The following MSH3 variants were observed in gnomAD, a reference collection of about 807,000 sequenced individuals.
MSH3 encodes the protein mutS homolog 3.
Under a neutral mutation model 123.3 loss-of-function variants are expected in MSH3, and 106 were observed. That is an observed-to-expected ratio of 0.86 (90% CI 0.73 to 1.01). MSH3 has a LOEUF of 1.01. Ranked by LOEUF, MSH3 falls within the 50% of genes least tolerant of loss-of-function variation. MSH3 has a pLI of 0.00. For missense variants in MSH3, 1,459 were observed against 1,347.6 expected, an observed-to-expected ratio of 1.08 and a Z score of -1.29; for synonymous variants, 515 against 481.4, an observed-to-expected ratio of 1.07 and a Z score of -0.91.
intron 8 of MSH3, among the ~76,000 whole-genome samples, chr5:80,709,128 G>C (rs568064227): frequency 6.6e-6 from 1 of 151,910 alleles, no homozygotes; most frequent in African/African-American, 2.4e-5. Flanking sequence ...TAGAAATAAA[G>C]GGTGGGATGG....
chr5:80,668,121 C>A (rs1677643), intron 3 of MSH3, among the ~76,000 whole-genome samples: 42,157 of 151,932 alleles, frequency 0.28, 6,086 homozygotes, highest in Middle Eastern at 0.35. Context: ...AGCCTTCAGC[C>A]GAGAGGGGAC....
intron 9 of MSH3, among the ~76,000 whole-genome samples, chr5:80,727,864 C>T (rs543846761): frequency 6.6e-6 from 1 of 151,952 alleles, no homozygotes; most frequent in East Asian, 1.9e-4. Context: ...AGGAAGGCCT[C>T]ACTGAGAAAC....
chr5:80,832,445 C>T (rs965011781), intron 20 of MSH3, among the ~76,000 whole-genome samples: 1 of 152,102 alleles, frequency 6.6e-6, no homozygotes, highest in African/African-American at 2.4e-5. Flanking sequence ...CATGGTGAAA[C>T]TCTGTCTCTA....
intron 7 of MSH3, among the ~76,000 whole-genome samples, chr5:80,676,044 C>A (rs925886271): frequency 2.6e-5 from 4 of 152,038 alleles, no homozygotes; most frequent in African/African-American, 9.7e-5. Context: ...TTATTTATTT[C>A]TTTGAGACGG....
At chr5:80,728,383 A>G (rs1273877257) in intron 9 of MSH3, among the ~76,000 whole-genome samples, 1 of 152,226 alleles carries the variant, frequency 6.6e-6, no homozygotes, top group Non-Finnish European at 1.5e-5. Context: ...GATAATTGGA[A>G]GTCATTCCAT....
At chr5:80,690,625 C>T (rs576769658) in intron 8 of MSH3, among the ~76,000 whole-genome samples, 2 of 152,126 alleles carry the variant, frequency 1.3e-5, no homozygotes, top group Admixed American at 6.6e-5. Flanking sequence ...CCATCCAGTT[C>T]AATTTTAAAA....
chr5:80,774,988 C>T (rs1284523404), intron 15 of MSH3, among the ~76,000 whole-genome samples: 1 of 152,036 alleles, frequency 6.6e-6, no homozygotes, highest in Non-Finnish European at 1.5e-5. Flanking sequence ...AAGATAAATG[C>T]TTGAGGAGAT....
chr5:80,791,484 A>C (rs1211385870), intron 18 of MSH3, among the ~76,000 whole-genome samples: 1 of 152,212 alleles, frequency 6.6e-6, no homozygotes, highest in African/African-American at 2.4e-5. Flanking sequence ...GCTGATGAGC[A>C]ATGACATTCA....
At chr5:80,655,070 G>A (rs1326744029) in intron 1 of MSH3, 106 bp downstream of exon 1, 6 of 648,112 alleles carry the variant, frequency 9.3e-6, no homozygotes, top group African/African-American at 3.9e-5. Context: ...AGGGCTGGAG[G>A]AGGAAGGGGC....
intron 19 of MSH3, among the ~76,000 whole-genome samples, chr5:80,806,742 G>A (rs894607250): frequency 6.6e-6 from 1 of 152,082 alleles, no homozygotes; most frequent in African/African-American, 2.4e-5. Flanking sequence ...AACTTACTCA[G>A]TTAATTGGGG....
chr5:80,859,712 C>CTTTTTTTTT (rs373044585), intron 21 of MSH3, among the ~76,000 whole-genome samples: 29 of 130,130 alleles, frequency 2.2e-4, no homozygotes, highest in African/African-American at 4.1e-4. Flanking sequence ...CATTTTCTCT[C>CTTTTTTTTT]TTTTTTTTTT....
chr5:80,864,485 A>G (rs1362331935), intron 21 of MSH3, among the ~76,000 whole-genome samples: 1 of 152,170 alleles, frequency 6.6e-6, no homozygotes, highest in African/African-American at 2.4e-5. Flanking sequence ...ATTGAGTGTA[A>G]TAATTGTATT....
intron 2 of MSH3, among the ~76,000 whole-genome samples, chr5:80,663,840 G>T (rs757886581): frequency 1.3e-5 from 2 of 152,130 alleles, no homozygotes; most frequent in Non-Finnish European, 2.9e-5. Context: ...ACTCCACAGG[G>T]TGGGAGTGGG....
chr5:80,736,755 C>T (rs987873880), intron 10 of MSH3, among the ~76,000 whole-genome samples: 1 of 152,136 alleles, frequency 6.6e-6, no homozygotes, highest in Non-Finnish European at 1.5e-5. Flanking sequence ...TAATGAGTTC[C>T]CTGGTGGACA....
chr5:80,735,478 G>C (rs1327359203), intron 10 of MSH3, among the ~76,000 whole-genome samples: 1 of 151,598 alleles, frequency 6.6e-6, no homozygotes, highest in African/African-American at 2.4e-5. Flanking sequence ...CCTGAGATCA[G>C]GAGTCCGAGA....
chr5:80,818,617 T>C (rs2448492), intron 20 of MSH3, among the ~76,000 whole-genome samples: 30,679 of 152,076 alleles, frequency 0.2, 3,447 homozygotes, highest in South Asian at 0.36. Context: ...CTTAAAAAAA[T>C]GTTTAAGTGA....
chr5:80,661,009 T>G (rs1677683), intron 2 of MSH3, among the ~76,000 whole-genome samples: 41,118 of 151,996 alleles, frequency 0.27, 5,761 homozygotes, highest in Middle Eastern at 0.35. Flanking sequence ...ATGTTGGCCA[T>G]GTTGGTCTTG....
intron 22 of MSH3, among the ~76,000 whole-genome samples, chr5:80,869,250 C>T (rs533121906): frequency 7.9e-4 from 121 of 152,312 alleles, no homozygotes; most frequent in African/African-American, 2.8e-3. Flanking sequence ...ATAAATCTTG[C>T]TATGTTTCCC....
At chr5:80,857,396 G>A (rs1168461095) in intron 21 of MSH3, among the ~76,000 whole-genome samples, 1 of 152,124 alleles carries the variant, frequency 6.6e-6, no homozygotes, top group African/African-American at 2.4e-5. Context: ...GGTAATGCTG[G>A]CCTCATAGAA....
Sources: allele counts gnomAD v4.1 joint callset (sites outside exome capture counted in the v4.1 genomes callset), GRCh38; gene constraint gnomAD v4.1.1; transcripts MANE v1.5; gene names NCBI Gene and HGNC (gene_info 2026-07-23, HGNC 2026-07-21).